The following CSMD3 variants were observed in gnomAD, a reference collection of about 807,000 sequenced individuals.
The protein encoded by CSMD3 is CUB and sushi domain-containing protein 3.
A neutral mutation model predicts 435.2 loss-of-function variants in CSMD3; 177 were observed. The observed-to-expected ratio is 0.41, with a 90% CI of 0.36 to 0.46. The LOEUF (loss-of-function observed/expected upper bound fraction) is 0.46. CSMD3 is among the 20% of genes least tolerant of loss of function. The pLI, the probability that CSMD3 is intolerant of heterozygous loss-of-function variation, is 0.34. For missense variants in CSMD3, 4,265 were observed against 4,504.6 expected (o/e 0.95, Z 1.52); for synonymous variants, 1,656 against 1,520.5 (o/e 1.09, Z -2.07).
Position 112,292,497 on chromosome 8 carries a change from A to G in CSMD3, c.8788+40T>C, listed in dbSNP as rs116223802. 2,263 of 1,597,252 alleles carry G rather than the reference A, an allele frequency of 1.4e-3. 35 individuals carry two copies. The African/African-American group carries it at 0.026, about 18-fold the overall frequency. ...TGTCACTGATGTTTATGTGAATATT[A>G]TTATCATGCCACCAAATGGGAATAT... On this transcript the variant is annotated intron_variant, in intron 55 of 70. Transcript: ENST00000297405.
chr8:113,120,435 C>T (rs902267028), intron 4 of CSMD3, among the ~76,000 whole-genome samples: 2 of 151,944 alleles, frequency 1.3e-5, no homozygotes, highest in African/African-American at 4.8e-5. Context: ...TTTTTGCATA[C>T]TTAAATACAT....
chr8:112,332,016 T>C (rs552660422), intron 45 of CSMD3, among the ~76,000 whole-genome samples: 1 of 152,152 alleles, frequency 6.6e-6, no homozygotes, highest in African/African-American at 2.4e-5. Context: ...AATTCTAAAA[T>C]GATCTTTGTA....
Position 112,319,917 on chromosome 8 carries a change from A to C in CSMD3, c.7230T>G (p.Asp2410Glu), listed in dbSNP as rs1352868376. The C allele has an allele frequency of 1.2e-6, 2 of 1,611,130 alleles. No individual in the cohort carries two copies. The highest frequency in any genetic ancestry group is 2.7e-5 in the African/African-American group (2 of 74,790). Residue 2410 changes from aspartate (D) to glutamate (E), a missense_variant, in exon 46 of 71, where the codon GAT (aspartate) becomes GAG (glutamate). Coordinates refer to ENST00000297405, the MANE Select transcript of CSMD3 (RefSeq NM_198123.2). ...CAGCTTTACCTATTTCAAATTCATC[A>C]TCTTCCGTCAAAATTTCAGCATTGG... ...PVPNAEILTEDDEFEIGDIIR... is the reference protein window; with the variant it reads ...PVPNAEILTEEDEFEIGDIIR...
At chr8:113,369,938 A>G (rs540598369) in intron 1 of CSMD3, among the ~76,000 whole-genome samples, 18 of 151,950 alleles carry the variant, frequency 1.2e-4, no homozygotes, top group African/African-American at 3.9e-4. Flanking sequence ...ATGTTGGTAA[A>G]AGGATACAAA....
chr8:113,260,369 CATAAATAT>C (rs1011100623), intron 3 of CSMD3, among the ~76,000 whole-genome samples: 1 of 152,106 alleles, frequency 6.6e-6, no homozygotes, highest in Non-Finnish European at 1.5e-5. Context: ...TTCAAACCTT[CATAAATAT>C]AACAAATTCC....
intron 59 of CSMD3, among the ~76,000 whole-genome samples, chr8:112,273,292 T>A (rs1036702830): frequency 2.0e-4 from 28 of 139,486 alleles, no homozygotes; most frequent in Admixed American, 4.8e-4. Context: ...AAAAAAAAAA[T>A]GAAAGTGTTC....
chr8:112,839,170 G>T (rs898780598), intron 11 of CSMD3, among the ~76,000 whole-genome samples: 12 of 151,676 alleles, frequency 7.9e-5, no homozygotes, highest in African/African-American at 2.7e-4. Context: ...TCTTGCAAGG[G>T]CTCATATTTT....
chr8:112,613,785 A>G (rs1833452227), intron 22 of CSMD3, among the ~76,000 whole-genome samples: 1 of 152,124 alleles, frequency 6.6e-6, no homozygotes, highest in Admixed American at 6.6e-5. Flanking sequence ...TTCATGATGT[A>G]TCTATTCTCC....
intron 36 of CSMD3, among the ~76,000 whole-genome samples, chr8:112,389,603 T>C (rs371859479): frequency 3.3e-5 from 5 of 152,320 alleles, no homozygotes; most frequent in African/African-American, 9.6e-5. Context: ...TCTGAACAAT[T>C]ATAAATCCAT....
chr8:112,620,773 C>A (rs1358332076), intron 22 of CSMD3, among the ~76,000 whole-genome samples: 1 of 152,140 alleles, frequency 6.6e-6, no homozygotes, highest in Non-Finnish European at 1.5e-5. Context: ...ATTTCCTACT[C>A]CTTAATCCTT....
chr8:113,336,375 G>A (rs769719555), intron 1 of CSMD3, among the ~76,000 whole-genome samples: 31 of 150,566 alleles, frequency 2.1e-4, no homozygotes, highest in Non-Finnish European at 4.3e-4. Context: ...TTTTTAGCAT[G>A]GCTGCTTTAA....
rs928857050 is a variant in CSMD3, at chr8:112,530,628, G to A, written c.4565-13403C>T. 2.6e-5 allele frequency among the ~76,000 whole-genome samples: 4 copies of A among 152,264 alleles called. No homozygotes were observed. In the South Asian group the frequency reaches 8.3e-4, roughly 32 times the overall value. On this transcript the variant is annotated intron_variant, in intron 27 of 70. Transcript: ENST00000297405. ...GCTCATCACCATTAGACATGCCTTAGGAGAAATGCCAAGAAAGTTCTTCAA... is the reference window on the plus strand; with the variant it reads ...GCTCATCACCATTAGACATGCCTTAAGAGAAATGCCAAGAAAGTTCTTCAA...
chr8:112,638,684 T>C lies in CSMD3; in HGVS notation c.3526+12A>G. ...GTTACTGAATGAGCCCTTTTGTTTT[T>C]TATTTTCTCACCAGAGAATGTTATG... On this transcript the variant is annotated intron_variant, in intron 21 of 70. Transcript: ENST00000297405. 4.0e-6 allele frequency: 6 copies of C among 1,518,080 alleles called. No individual in the cohort carries two copies. Among genetic ancestry groups the C allele is most frequent in the Non-Finnish European group, 5.5e-6 (6 of 1,093,664 alleles). 94.0% of individuals were successfully genotyped at this position (1,518,080 alleles called of 1,614,324 possible).
At chr8:112,319,473 A>G (rs772525035) in intron 46 of CSMD3, among the ~76,000 whole-genome samples, 5 of 152,168 alleles carry the variant, frequency 3.3e-5, no homozygotes, top group Non-Finnish European at 7.4e-5. Context: ...TTATGATTAA[A>G]TTGAGTAGAA....
intron 6 of CSMD3, among the ~76,000 whole-genome samples, chr8:112,982,433 A>C (rs1302180191): frequency 2.0e-5 from 3 of 151,882 alleles, no homozygotes; most frequent in Non-Finnish European, 4.4e-5. Flanking sequence ...CAGAATCCTG[A>C]ATCTTTAGAT....
chr8:112,512,829 T>A (rs941249826), intron 28 of CSMD3, among the ~76,000 whole-genome samples: 2 of 152,196 alleles, frequency 1.3e-5, no homozygotes, highest in African/African-American at 4.8e-5. Flanking sequence ...ATGTAGCCAC[T>A]TTCATCAGTG....
chr8:112,450,551 G>A (rs1816143690), intron 32 of CSMD3, among the ~76,000 whole-genome samples: 1 of 152,170 alleles, frequency 6.6e-6, no homozygotes, highest in Admixed American at 6.5e-5. Flanking sequence ...GGTGGTTGGA[G>A]AGTTTGAGTC....
chr8:112,710,239 G>T (rs2076583235), intron 13 of CSMD3, among the ~76,000 whole-genome samples: 2 of 152,114 alleles, frequency 1.3e-5, no homozygotes, highest in South Asian at 4.1e-4. Flanking sequence ...GATAAACTAT[G>T]AGTGACAAAC....
intron 59 of CSMD3, among the ~76,000 whole-genome samples, chr8:112,267,945 AG>A (rs1394060745): frequency 6.6e-6 from 1 of 152,062 alleles, no homozygotes; most frequent in East Asian, 1.9e-4. Flanking sequence ...AAAAAAAAAA[AG>A]GCTTTTGGTT....
Sources: allele counts gnomAD v4.1 joint callset (sites outside exome capture counted in the v4.1 genomes callset), GRCh38; gene constraint gnomAD v4.1.1; transcripts MANE v1.5; gene names NCBI Gene and HGNC (gene_info 2026-07-23, HGNC 2026-07-21).